DLC1: variants seen among roughly 807,000 people sequenced by gnomAD.
DLC1 encodes DLC1 Rho GTPase activating protein, also known as rho GTPase-activating protein 7.
Under a neutral mutation model 140.3 loss-of-function variants are expected in DLC1, and 54 were observed. The observed-to-expected ratio is 0.38, with a 90% CI of 0.31 to 0.48. DLC1 has a LOEUF of 0.48. Among genes scored for constraint, DLC1 ranks in the 20% least tolerant of loss-of-function variants. The pLI is 0.96. For synonymous variants in DLC1, 986 were observed against 728.1 expected, an observed-to-expected ratio of 1.35 and a Z score of -5.70; for missense variants, 2,536 against 1,907.0, an observed-to-expected ratio of 1.33 and a Z score of -6.14.
rs577891825 is a variant in DLC1, at chr8:13,084,424, A to C, written c.*1387T>G. On this transcript the variant is annotated 3_prime_UTR_variant, in exon 18 of 18. Transcript: ENST00000276297. ...TACATTATTCACTTTTGATCCATAC[A>C]CAATAAATTTACTAATACTGTCTCT... is the stretch of plus-strand genomic sequence containing the variant. 6.5e-6 allele frequency: 1 copy of C among 152,732 alleles called. No individual in the cohort carries two copies. The highest frequency in any genetic ancestry group is 2.4e-5 in the African/African-American group (1 of 41,558). The allele number at this position is 152,732 out of a possible 1,614,324, so 9.5% of individuals were successfully genotyped here. A position where few individuals can be genotyped will look rare whatever the true frequency, so the allele number is the denominator to read the frequency against.
intron 4 of DLC1, among the ~76,000 whole-genome samples, chr8:13,307,344 G>C (rs1374617589): frequency 6.6e-6 from 1 of 152,220 alleles, no homozygotes; most frequent in African/African-American, 2.4e-5. Flanking sequence ...TCTTTCATTT[G>C]TTAAGAAGTC....
At position 13,094,741 on chromosome 8, in the gene DLC1, A is replaced by G. The variant is rs1818363064; in HGVS notation, c.3526+18T>C. ...TTTTTCCCCAATGCCAACAATCTTA[A>G]GATCAAAGGACACTCACATTGGTAG... is the stretch of plus-strand genomic sequence containing the variant. On this transcript the variant is annotated intron_variant, in intron 12 of 17. Coordinates refer to ENST00000276297, the MANE Select transcript of DLC1 (RefSeq NM_182643.3). 7 of 1,613,926 alleles carry G rather than the reference A, an allele frequency of 4.3e-6. No individual in the cohort carries two copies. In the South Asian group the frequency reaches 7.7e-5, roughly 18 times the overall value.
chr8:13,547,126 G>T (rs904523361), intron 1 of DLC1, among the ~76,000 whole-genome samples: 19 of 151,988 alleles, frequency 1.3e-4, no homozygotes, highest in African/African-American at 4.6e-4. Context: ...CTTATGAAAT[G>T]ATGGAAGAAT....
At chr8:13,578,819 C>T (rs1167690845) in intron 1 of DLC1, among the ~76,000 whole-genome samples, 1 of 152,066 alleles carries the variant, frequency 6.6e-6, no homozygotes, top group African/African-American at 2.4e-5. Flanking sequence ...CCCAGAAGCC[C>T]TCCAAACCCT....
chr8:13,181,557 A>G (rs562838933), intron 5 of DLC1, among the ~76,000 whole-genome samples: 137 of 147,930 alleles, frequency 9.3e-4, no homozygotes, highest in Non-Finnish European at 1.3e-3. Context: ...TCATTGTTCA[A>G]TTCCCACCTA....
intron 1 of DLC1, among the ~76,000 whole-genome samples, chr8:13,591,161 T>TA (rs373488800): frequency 5.9e-5 from 9 of 152,086 alleles, no homozygotes; most frequent in African/African-American, 2.2e-4. Context: ...AGGGAGATAT[T>TA]AAAAATAGAA....
chr8:13,285,517 A>G (rs1401519704), intron 5 of DLC1, among the ~76,000 whole-genome samples: 1 of 152,192 alleles, frequency 6.6e-6, no homozygotes, highest in Non-Finnish European at 1.5e-5. Flanking sequence ...AAACTGATAC[A>G]TCACAAAAGA....
At chr8:13,367,464 A>G (rs1422763888) in intron 4 of DLC1, among the ~76,000 whole-genome samples, 1 of 152,178 alleles carries the variant, frequency 6.6e-6, no homozygotes, top group Admixed American at 6.5e-5. Context: ...AAGAAAAGCA[A>G]AAAGCAGCCT....
chr8:13,090,568 C>T lies in DLC1; in HGVS notation c.3856-98G>A, dbSNP rs1478524227. 1.1e-5 allele frequency: 15 copies of T among 1,416,514 alleles called. No homozygotes were observed. The South Asian group carries it at 1.6e-4, about 15-fold the overall frequency. 87.7% of individuals were successfully genotyped at this position (1,416,514 alleles called of 1,614,324 possible). ...GACTGGGTAGGAACAATGGCCTGGTCCTTAAAGCAGTGCAGGCATCTTCCC... is the reference window on the plus strand; with the variant it reads ...GACTGGGTAGGAACAATGGCCTGGTTCTTAAAGCAGTGCAGGCATCTTCCC... On this transcript the variant is annotated intron_variant, in intron 14 of 17. Coordinates refer to ENST00000276297, the MANE Select transcript of DLC1 (RefSeq NM_182643.3).
intron 1 of DLC1, among the ~76,000 whole-genome samples, chr8:13,568,889 T>C (rs1023963882): frequency 1.3e-5 from 2 of 152,152 alleles, no homozygotes; most frequent in Non-Finnish European, 2.9e-5. Flanking sequence ...TGAGGAAAAA[T>C]GTAAGTAAAT....
chr8:13,395,975 A>G (rs1837023095), intron 3 of DLC1, among the ~76,000 whole-genome samples: 1 of 152,120 alleles, frequency 6.6e-6, no homozygotes, highest in African/African-American at 2.4e-5. Flanking sequence ...CATTGAATGC[A>G]TAATCATAAG....
intron 6 of DLC1, among the ~76,000 whole-genome samples, chr8:13,112,783 G>A (rs1327809410): frequency 6.6e-6 from 1 of 152,114 alleles, no homozygotes; most frequent in Non-Finnish European, 1.5e-5. Context: ...CTGGCCTCAA[G>A]TCATCCTCCC....
intron 1 of DLC1, chr8:13,567,339 TG>T: frequency 6.4e-7 from 1 of 1,551,564 alleles, no homozygotes; most frequent in East Asian, 2.4e-5. Flanking sequence ...GGGTATCAGA[TG>T]AAGAATTGAA....
Position 13,393,576 on chromosome 8 carries a change from A to G in DLC1, c.1291T>C (p.Ser431Pro). The change falls in exon 4 of 18, where the codon TCT becomes CCT. Residue 431 changes from serine (S) to proline (P), a missense_variant. Ser to Pro is a moderately conservative substitution (Grantham distance 74). Coordinates refer to ENST00000276297, the MANE Select transcript of DLC1 (RefSeq NM_182643.3). Reference sequence around the variant, plus strand: ...ACCGTAGTCTTGGGTTTGGTTCCAGAATTGGCTACTGGAGTGGAAGATGGG... The same window carrying G: ...ACCGTAGTCTTGGGTTTGGTTCCAGGATTGGCTACTGGAGTGGAAGATGGG... ...DLPSSTPVAN[S>P]GTKPKTTAIQ... 6.2e-7 allele frequency: 1 copy of G among 1,614,072 alleles called. No individual in the cohort carries two copies. Among genetic ancestry groups the G allele is most frequent in the Non-Finnish European group, 8.5e-7 (1 of 1,179,998 alleles).
chr8:13,413,950 A>C (rs1837929866), intron 2 of DLC1, among the ~76,000 whole-genome samples: 1 of 152,184 alleles, frequency 6.6e-6, no homozygotes, highest in African/African-American at 2.4e-5. Context: ...GGGGCAAAGA[A>C]ACCTACATGT....
At chr8:13,097,781 C>G (rs1254665271) in intron 10 of DLC1, among the ~76,000 whole-genome samples, 1 of 151,996 alleles carries the variant, frequency 6.6e-6, no homozygotes, top group Non-Finnish European at 1.5e-5. Flanking sequence ...CATTCTCACC[C>G]CATCAACTGG....
chr8:13,393,718 A>T, intron 3 of DLC1, 25 bp from the exon 4 acceptor site: 3 of 1,600,760 alleles, frequency 1.9e-6, no homozygotes, highest in Non-Finnish European at 1.7e-6. Context: ...ATGCACTGGT[A>T]TGAAGGACAT....
chr8:13,545,510 G>T (rs547262406), intron 1 of DLC1, among the ~76,000 whole-genome samples: 2 of 152,030 alleles, frequency 1.3e-5, no homozygotes, highest in South Asian at 2.1e-4. Flanking sequence ...GGATCATGAT[G>T]CATTGTATGA....
intron 5 of DLC1, among the ~76,000 whole-genome samples, chr8:13,269,781 G>T (rs1830848522): frequency 6.6e-6 from 1 of 150,986 alleles, no homozygotes; most frequent in African/African-American, 2.4e-5. Flanking sequence ...AACATGGCCA[G>T]GCGCAGTGGC....
Sources: allele counts gnomAD v4.1 joint callset (sites outside exome capture counted in the v4.1 genomes callset), GRCh38; gene constraint gnomAD v4.1.1; transcripts MANE v1.5; gene names NCBI Gene and HGNC (gene_info 2026-07-23, HGNC 2026-07-21).